The following IQSEC3 variants were observed in gnomAD, a reference collection of about 807,000 sequenced individuals.
The protein encoded by IQSEC3 is IQ motif and Sec7 domain ArfGEF 3.
IQSEC3 carries 50 observed loss-of-function variants against 105.4 expected under a neutral mutation model. The ratio of observed to expected loss-of-function variants is 0.47; its 90% CI spans 0.38 to 0.60. The LOEUF is 0.60. Ranked by LOEUF, IQSEC3 falls within the 20% of genes least tolerant of loss-of-function variation. The probability of loss-of-function intolerance (pLI) is 0.00; values close to 1 mark genes in which losing one functional copy is unlikely to be tolerated. For synonymous variants in IQSEC3, 708 were observed against 746.0 expected, an observed-to-expected ratio of 0.95 and a Z score of 0.83; for missense variants, 1,415 against 1,630.0, an observed-to-expected ratio of 0.87 and a Z score of 2.27.
Position 138,758 on chromosome 12 carries a change from T to C in IQSEC3, c.1395T>C (p.Asp465=). The change falls in exon 4 of 14, where the codon GAT becomes GAC. Residue 465 remains aspartate, a synonymous_variant. Coordinates refer to ENST00000538872, the MANE Select transcript of IQSEC3 (RefSeq NM_001170738.2). This position sits in a 1 kb window ranked among gnomAD's most constrained non-coding sequence, Gnocchi z 7.1. ...AGAGCGCGGGCCCCGGGCCCGGGGA[T>C]GACGCCGCGGAGACCCCCGGCCTGC... ...APESAGPGPG[D]DAAETPGLPP... 6.4e-7 allele frequency: 1 copy of C among 1,557,164 alleles called. No individual in the cohort carries two copies. Among genetic ancestry groups the C allele is most frequent in the South Asian group, 1.2e-5 (1 of 85,438 alleles).
At chr12:76,553 C>A (rs1468139298) in intron 1 of IQSEC3, among the ~76,000 whole-genome samples, 2 of 152,276 alleles carry the variant, frequency 1.3e-5, no homozygotes, top group Non-Finnish European at 2.9e-5. Context: ...CTTTTCCTTT[C>A]TCTGCATGAA....
At chr12:73,437 A>G (rs1199900409) in intron 1 of IQSEC3, among the ~76,000 whole-genome samples, 1 of 152,256 alleles carries the variant, frequency 6.6e-6, no homozygotes, top group Non-Finnish European at 1.5e-5. Flanking sequence ...CAGATAAAGA[A>G]ACCAAGATGG....
chr12:106,936 A>G (rs1276693853), intron 2 of IQSEC3: 1 of 152,276 alleles, frequency 6.6e-6, no homozygotes, highest in Non-Finnish European at 1.5e-5. Context: ...ACGAAGAAAT[A>G]ATCTATAGCA....
At chr12:94,129 T>C (rs1864176192) in intron 1 of IQSEC3, among the ~76,000 whole-genome samples, 1 of 152,218 alleles carries the variant, frequency 6.6e-6, no homozygotes. Context: ...GGGACTGCAG[T>C]GATGCTTCTT....
At chr12:71,266 G>A (rs1863305326) in intron 1 of IQSEC3, among the ~76,000 whole-genome samples, 1 of 152,276 alleles carries the variant, frequency 6.6e-6, no homozygotes, top group Admixed American at 6.5e-5. Flanking sequence ...GCCCATCCTG[G>A]AAACTATTAA....
At chr12:166,998 TTC>T (rs1938686638) in intron 11 of IQSEC3, 1 of 152,160 alleles carries the variant, frequency 6.6e-6, no homozygotes. Flanking sequence ...AGAGAAGAGG[TTC>T]TGTTTATTTT....
intron 2 of IQSEC3, among the ~76,000 whole-genome samples, chr12:115,793 T>C (rs1348588657): frequency 2.0e-5 from 3 of 152,196 alleles, no homozygotes; most frequent in Non-Finnish European, 4.4e-5. Flanking sequence ...CTCATAGTTA[T>C]ACCACTCTGC....
intron 1 of IQSEC3, among the ~76,000 whole-genome samples, chr12:91,922 A>T (rs1864099424): frequency 6.6e-6 from 1 of 152,120 alleles, no homozygotes; most frequent in Admixed American, 6.5e-5. Flanking sequence ...GAATTCCCAG[A>T]GCCAGCTGCT....
At chr12:124,295 A>C (rs1865310123) in intron 2 of IQSEC3, among the ~76,000 whole-genome samples, 1 of 150,626 alleles carries the variant, frequency 6.6e-6, no homozygotes, top group African/African-American at 2.4e-5. Context: ...AAGCTGAGGC[A>C]GGAGAATCAC....
At chr12:171,797 T>G (rs942913653) in intron 13 of IQSEC3, among the ~76,000 whole-genome samples, 2 of 152,270 alleles carry the variant, frequency 1.3e-5, no homozygotes, top group East Asian at 1.9e-4. Context: ...AGGGTGGGGC[T>G]GTCCTGAGGG....
intron 1 of IQSEC3, among the ~76,000 whole-genome samples, chr12:95,288 A>T (rs1864210373): frequency 6.6e-6 from 1 of 152,198 alleles, no homozygotes; most frequent in Non-Finnish European, 1.5e-5. Flanking sequence ...ATTGCCCTTT[A>T]AAAAATTCAT....
At chr12:99,814 G>A (rs1864362984) in intron 2 of IQSEC3, among the ~76,000 whole-genome samples, 2 of 152,100 alleles carry the variant, frequency 1.3e-5, no homozygotes, top group African/African-American at 4.8e-5. Context: ...CTGCCTCCCT[G>A]TCCCGCTTCC....
intron 1 of IQSEC3, among the ~76,000 whole-genome samples, chr12:98,525 T>G (rs55798052): frequency 0.48 from 73,332 of 152,062 alleles, 19,284 homozygotes; most frequent in Non-Finnish European, 0.61. Context: ...CAGAAAAGGT[T>G]AGCCTCGTAT....
chr12:126,009 C>A, intron 3 of IQSEC3, 97 bp downstream of exon 3: 2 of 1,224,076 alleles, frequency 1.6e-6, no homozygotes, highest in Non-Finnish European at 2.2e-6. Context: ...GGGTCCCCTC[C>A]GCTACAGGCA....
At chr12:158,770 T>C (rs12424584) in intron 7 of IQSEC3, among the ~76,000 whole-genome samples, 2,367 of 152,326 alleles carry the variant, frequency 0.016, 165 homozygotes, top group Admixed American at 0.12. Flanking sequence ...GTAATTCTTA[T>C]GGCTCAGCCT....
At chr12:154,789 G>C (rs142546749) in intron 5 of IQSEC3, among the ~76,000 whole-genome samples, 2 of 151,936 alleles carry the variant, frequency 1.3e-5, no homozygotes, top group East Asian at 1.9e-4. Flanking sequence ...TCTGTTTTTT[G>C]CTTGTTCTTT....
Position 124,367 on chromosome 12 carries a change from C to A in IQSEC3, c.624-1266C>A, listed in dbSNP as rs185089210. Among the ~76,000 whole-genome samples, 986 of 106,512 alleles carry A rather than the reference C, an allele frequency of 9.3e-3. 5 individuals are homozygous for A. The highest frequency in any genetic ancestry group is 0.014 in the Non-Finnish European group (765 of 54,862). 69.9% of individuals were successfully genotyped at this position (106,512 alleles called of 152,430 possible). A position where few individuals can be genotyped will look rare whatever the true frequency, so the allele number is the denominator to read the frequency against. On this transcript the variant is annotated intron_variant, in intron 2 of 13. Transcript: ENST00000538872. ...TCTCACCATTGCACTCCAGCCTGGGCAACAAGAGTGAAACTCCATCTCAAA... is the reference window on the plus strand; with the variant it reads ...TCTCACCATTGCACTCCAGCCTGGGAAACAAGAGTGAAACTCCATCTCAAA...
chr12:157,494 C>T (rs1591738263), intron 6 of IQSEC3, 34 bp from the exon 7 acceptor site: 3 of 1,590,718 alleles, frequency 1.9e-6, no homozygotes, highest in African/African-American at 2.7e-5. Flanking sequence ...TGGGCGGGGG[C>T]TCAGCGTCCG....
intron 2 of IQSEC3, among the ~76,000 whole-genome samples, chr12:108,715 T>C (rs1005296344): frequency 1.1e-4 from 17 of 152,244 alleles, no homozygotes; most frequent in African/African-American, 4.1e-4. Flanking sequence ...CCAGCTGGCC[T>C]TTCAGGGTGT....
Sources: allele counts gnomAD v4.1 joint callset (sites outside exome capture counted in the v4.1 genomes callset), GRCh38; gene constraint gnomAD v4.1.1; non-coding constraint Gnocchi (gnomAD v3.1); transcripts MANE v1.5; gene names NCBI Gene and HGNC (gene_info 2026-07-23, HGNC 2026-07-21).